The following CERKL variants were observed in gnomAD, a reference collection of about 807,000 sequenced individuals.
CERKL encodes CERK like autophagy regulator.
In CERKL, 61 loss-of-function variants were observed where a neutral mutation model predicts 63.4. The ratio of observed to expected loss-of-function variants is 0.96; its 90% confidence interval spans 0.78 to 1.19. CERKL has a LOEUF of 1.19. Among genes scored for constraint, CERKL ranks in the 50% most tolerant of loss-of-function variants. CERKL has a pLI of 0.00. For synonymous variants in CERKL, 250 were observed against 230.5 expected (o/e 1.08, Z -0.77); for missense variants, 675 against 655.5 (o/e 1.03, Z -0.33).
Position 181,604,103 on chromosome 2 carries a change from A to T in CERKL, c.239-24T>A, listed in dbSNP as rs190766913. 8 of 1,563,062 alleles carry T rather than the reference A, an allele frequency of 5.1e-6. No individual in the cohort carries two copies. The African/African-American group carries it at 9.7e-5, about 19-fold the overall frequency. ...ACCTGAAAAAAAAATAAATTTTCCA[A>T]TTAAAACCATTGTGTTTCATAGAGA... is the stretch of plus-strand genomic sequence containing the variant. On this transcript the variant is annotated intron_variant, in intron 1 of 12. Coordinates refer to ENST00000410087, the MANE Select transcript of CERKL (RefSeq NM_201548.5).
At chr2:181,616,687 T>C (rs1320410012) in intron 1 of CERKL, among the ~76,000 whole-genome samples, 1 of 152,218 alleles carries the variant, frequency 6.6e-6, no homozygotes, top group East Asian at 1.9e-4. Context: ...TGAGAGCTGT[T>C]TGACTTTCAA....
At position 181,598,387 on chromosome 2, in the gene CERKL, C is replaced by T. The variant is rs115643360; in HGVS notation, c.481+5450G>A. On this transcript the variant is annotated intron_variant, in intron 2 of 12. Coordinates refer to ENST00000410087, the MANE Select transcript of CERKL (RefSeq NM_201548.5). ...ATCTTTATGAACTGAAGGTCATGAG[C>T]CCTCTGATGGGGTATGATAGAAAAG... is the stretch of plus-strand genomic sequence containing the variant. Among the ~76,000 whole-genome samples, 437 of 152,198 alleles carry T rather than the reference C, an allele frequency of 2.9e-3. 2 individuals are homozygous for T. The highest frequency in any genetic ancestry group is 0.01 in the African/African-American group (421 of 41,530).
chr2:181,575,718 G>A (rs1689106858), intron 2 of CERKL, among the ~76,000 whole-genome samples: 3 of 152,112 alleles, frequency 2.0e-5, no homozygotes, highest in Admixed American at 2.0e-4. Flanking sequence ...TAAATGCAGA[G>A]GGTTTTTATG....
Position 181,593,533 on chromosome 2 carries a change from GA to G in CERKL, c.481+10303del, listed in dbSNP as rs546811571. ...TAAAGAATTCCATCATTTCCTTTTG[GA>G]AAAAAAAAAAAAACTAAAACACCAC... On this transcript the variant is annotated intron_variant, in intron 2 of 12. Coordinates refer to ENST00000410087, the MANE Select transcript of CERKL (RefSeq NM_201548.5). Among the ~76,000 whole-genome samples, 309 of 135,194 alleles carry G rather than the reference GA, an allele frequency of 2.3e-3. 1 individual carries two copies. In the South Asian group the frequency reaches 0.025, roughly 11 times the overall value. The allele number at this position is 135,194 out of a possible 152,430, so 88.7% of individuals were successfully genotyped here.
intron 2 of CERKL, among the ~76,000 whole-genome samples, chr2:181,583,023 T>G (rs1350334283): frequency 6.6e-6 from 1 of 152,210 alleles, no homozygotes; most frequent in Non-Finnish European, 1.5e-5. Context: ...CTGTGAAAAC[T>G]GGTAATTAAA....
intron 2 of CERKL, among the ~76,000 whole-genome samples, chr2:181,599,397 G>A (rs1685363733): frequency 6.6e-6 from 1 of 151,482 alleles, no homozygotes; most frequent in African/African-American, 2.4e-5. Context: ...ATTAGTCGGG[G>A]GTGGTGGCAC....
rs138836873 is a variant in CERKL at position 181,605,173 on chromosome 2, T to C, written c.239-1094A>G. Among the ~76,000 whole-genome samples, 482 of 152,272 alleles carry C rather than the reference T, an allele frequency of 3.2e-3. 1 individual carries two copies. The highest frequency in any genetic ancestry group is 8.5e-3 in the Admixed American group (130 of 15,308). ...TGGACCCTACGACCGCCCCAACCTA[T>C]TGCCTGCAGAGAATCTCCAGGTCAC... On this transcript the variant is annotated intron_variant, in intron 1 of 12. Coordinates refer to ENST00000410087, the MANE Select transcript of CERKL (RefSeq NM_201548.5).
intron 1 of CERKL, among the ~76,000 whole-genome samples, chr2:181,640,322 AC>A (rs1259423015): frequency 6.6e-6 from 1 of 152,124 alleles, no homozygotes; most frequent in Non-Finnish European, 1.5e-5. Flanking sequence ...GTTGCTCACC[AC>A]ACCCACGTAC....
chr2:181,538,966 C>T, intron 12 of CERKL, 126 bp downstream of exon 12: 2 of 738,046 alleles, frequency 2.7e-6, no homozygotes, highest in Non-Finnish European at 4.8e-6. Flanking sequence ...TTATGCTTCC[C>T]TGATTTACTG....
At chr2:181,608,948 T>G (rs1685838060) in intron 1 of CERKL, among the ~76,000 whole-genome samples, 1 of 152,178 alleles carries the variant, frequency 6.6e-6, no homozygotes, top group Non-Finnish European at 1.5e-5. Context: ...AATTCCCATA[T>G]CAATTAGCAT....
At chr2:181,598,095 T>C (rs958313074) in intron 2 of CERKL, among the ~76,000 whole-genome samples, 1 of 152,134 alleles carries the variant, frequency 6.6e-6, no homozygotes, top group African/African-American at 2.4e-5. Flanking sequence ...GCACAGGTAC[T>C]CGAAGAAAGA....
chr2:181,620,306 CTT>C (rs1453773365), intron 1 of CERKL, among the ~76,000 whole-genome samples: 1 of 152,164 alleles, frequency 6.6e-6, no homozygotes, highest in African/African-American at 2.4e-5. Context: ...TTTGCTCTCA[CTT>C]TTGTCATTAT....
intron 1 of CERKL, among the ~76,000 whole-genome samples, chr2:181,613,895 A>G (rs546534982): frequency 2.6e-5 from 4 of 152,356 alleles, no homozygotes; most frequent in African/African-American, 9.6e-5. Context: ...AACATATATG[A>G]ACATGTATAT....
intron 2 of CERKL, among the ~76,000 whole-genome samples, chr2:181,586,251 G>C (rs1215928930): frequency 6.6e-6 from 1 of 152,012 alleles, no homozygotes; most frequent in Admixed American, 6.6e-5. Context: ...ACATTTTTAG[G>C]TGACCTAGAA....
At chr2:181,599,140 C>T (rs1191577435) in intron 2 of CERKL, among the ~76,000 whole-genome samples, 1 of 152,056 alleles carries the variant, frequency 6.6e-6, no homozygotes, top group Non-Finnish European at 1.5e-5. Flanking sequence ...TCAAATAAAC[C>T]AGAAACACAA....
intron 1 of CERKL, among the ~76,000 whole-genome samples, chr2:181,622,358 T>C (rs1318813005): frequency 3.3e-5 from 5 of 152,162 alleles, no homozygotes; most frequent in Non-Finnish European, 7.3e-5. Flanking sequence ...AGGCATCCAT[T>C]TTTATTTCAT....
intron 4 of CERKL, among the ~76,000 whole-genome samples, chr2:181,563,993 A>G (rs547326629): frequency 1.9e-4 from 29 of 152,168 alleles, no homozygotes; most frequent in South Asian, 4.2e-4. Flanking sequence ...GTGGGGTGGG[A>G]GACGGATGGT....
At chr2:181,615,252 G>A (rs1686141819) in intron 1 of CERKL, among the ~76,000 whole-genome samples, 1 of 152,208 alleles carries the variant, frequency 6.6e-6, no homozygotes, top group Non-Finnish European at 1.5e-5. Flanking sequence ...TTGTCACCAT[G>A]AGAGCAAAGC....
At chr2:181,547,163 T>G (rs1449940348) in intron 10 of CERKL, among the ~76,000 whole-genome samples, 1 of 152,166 alleles carries the variant, frequency 6.6e-6, no homozygotes, top group African/African-American at 2.4e-5. Flanking sequence ...CTCTTTCTTT[T>G]GTAAATTACC....
Sources: allele counts gnomAD v4.1 joint callset (sites outside exome capture counted in the v4.1 genomes callset), GRCh38; gene constraint gnomAD v4.1.1; transcripts MANE v1.5; gene names NCBI Gene and HGNC (gene_info 2026-07-23, HGNC 2026-07-21).